The following MTCL1 variants were observed in gnomAD, a reference collection of about 807,000 sequenced individuals.
The protein encoded by MTCL1 is microtubule cross-linking factor 1.
In MTCL1, 79 loss-of-function variants were observed where a neutral mutation model predicts 141.4. That is an observed-to-expected ratio of 0.56 (90% confidence interval 0.47 to 0.67). The LOEUF is 0.67. Ranked by LOEUF, MTCL1 falls within the 30% of genes least tolerant of loss-of-function variation. The pLI, the probability that MTCL1 is intolerant of heterozygous loss-of-function variation, is 0.00. For missense variants in MTCL1, 2,177 were observed against 2,113.9 expected (o/e 1.03, Z -0.59); for synonymous variants, 914 against 875.8 (o/e 1.04, Z -0.77).
Position 8,759,623 on chromosome 18 carries a change from A to G in MTCL1, c.358-18210A>G, listed in dbSNP as rs182687914. Among the ~76,000 whole-genome samples, 191 of 152,352 alleles carry G rather than the reference A, an allele frequency of 1.3e-3. 5 individuals carry two copies. Among genetic ancestry groups the G allele is most frequent in the Admixed American group, 0.012 (191 of 15,300 alleles). On this transcript the variant is annotated intron_variant, in intron 4 of 16. Coordinates refer to ENST00000359865, the Ensembl canonical transcript of MTCL1. The stretch of plus-strand genomic sequence containing the variant: ...GGGAAGAAAACTTTTCAAAGAGCCA[A>G]AGGCCATAATGAGGCTATTACAAGG...
At chr18:8,781,438 A>G (rs2143439618) in intron 5 of MTCL1, among the ~76,000 whole-genome samples, 1 of 152,232 alleles carries the variant, frequency 6.6e-6, no homozygotes, top group African/African-American at 2.4e-5. Context: ...AAACCCAACC[A>G]AATCCTTCAT....
At chr18:8,755,679 A>C (rs1441029831) in intron 4 of MTCL1, among the ~76,000 whole-genome samples, 1 of 152,234 alleles carries the variant, frequency 6.6e-6, no homozygotes, top group Non-Finnish European at 1.5e-5. Flanking sequence ...CACCTTTAAA[A>C]GACAGACTAT....
rs745747710 is a variant in MTCL1 at position 8,830,912 on chromosome 18, G to A, written c.*19-695G>A. 1.3e-5 allele frequency: 13 copies of A among 985,344 alleles called. No homozygotes were observed. Among genetic ancestry groups the A allele is most frequent in the East Asian group, 1.1e-4 (1 of 8,828 alleles). 61.0% of individuals were successfully genotyped at this position (985,344 alleles called of 1,614,324 possible). A position where few individuals can be genotyped will look rare whatever the true frequency, so the allele number is the denominator to read the frequency against. On this transcript the variant is annotated intron_variant, in intron 16 of 16. Transcript: ENST00000359865. The surrounding 1 kb of genome is among the most constrained non-coding windows in gnomAD (Gnocchi z 6.4). ...TGAGTGTGTCTTGCATCACCTGCTCGCAGAACATTAGGATGCCTGAAACAC... is the reference window on the plus strand; with the variant it reads ...TGAGTGTGTCTTGCATCACCTGCTCACAGAACATTAGGATGCCTGAAACAC...
At chr18:8,748,029 C>G (rs189229495) in intron 4 of MTCL1, among the ~76,000 whole-genome samples, 1 of 152,262 alleles carries the variant, frequency 6.6e-6, no homozygotes, top group East Asian at 1.9e-4. Context: ...GTTGGTGCCC[C>G]TGGTCTTCCG....
At chr18:8,821,376 G>A (rs2076841022) in intron 13 of MTCL1, 91 bp from the exon 13 acceptor site, 1 of 792,052 alleles carries the variant, frequency 1.3e-6, no homozygotes, top group African/African-American at 1.7e-5. Flanking sequence ...GGTTTCCTGG[G>A]GGTGCAGAGC....
intron 12 of MTCL1, among the ~76,000 whole-genome samples, chr18:8,815,141 T>G (rs1022247613): frequency 5.3e-5 from 8 of 152,224 alleles, no homozygotes; most frequent in African/African-American, 1.7e-4. Context: ...GAAAGGATTA[T>G]AAATCATGCT....
intron 10 of MTCL1, 44 bp from the exon 10 acceptor site, chr18:8,806,845 AAAAT>A: frequency 6.3e-7 from 1 of 1,593,460 alleles, no homozygotes; most frequent in Non-Finnish European, 8.6e-7. Flanking sequence ...TCTGACCTAA[AAAAT>A]ACGCTTAAAG....
upstream of MTCL1, among the ~76,000 whole-genome samples, chr18:8,713,606 C>T (rs1460889954): frequency 6.6e-6 from 1 of 152,196 alleles, no homozygotes; most frequent in African/African-American, 2.4e-5. Context: ...TGGCTGCTGC[C>T]AGCTTACATG....
chr18:8,830,409 C>T lies in MTCL1; in HGVS notation c.*19-1198C>T. 1 of 985,580 alleles carries T rather than the reference C, an allele frequency of 1.0e-6. No individual in the cohort carries two copies. Among genetic ancestry groups the T allele is most frequent in the South Asian group, 4.7e-5 (1 of 21,284 alleles). 61.1% of individuals were successfully genotyped at this position (985,580 alleles called of 1,614,324 possible). A position where few individuals can be genotyped will look rare whatever the true frequency, so the allele number is the denominator to read the frequency against. Reference sequence around the variant, plus strand: ...GAGGGAGGCAGGGAAACCGCTCGCCCCATTGCTCTTCTGGAAGCCTGTGGC... The same window carrying T: ...GAGGGAGGCAGGGAAACCGCTCGCCTCATTGCTCTTCTGGAAGCCTGTGGC... On this transcript the variant is annotated intron_variant, in intron 16 of 16. Coordinates refer to ENST00000359865, the Ensembl canonical transcript of MTCL1. The surrounding 1 kb of genome is among the most constrained non-coding windows in gnomAD (Gnocchi z 6.4).
chr18:8,793,061 G>A lies in MTCL1; in HGVS notation c.1951G>A (p.Val651Met), dbSNP rs752506840. 1.3e-5 allele frequency: 21 copies of A among 1,614,168 alleles called. No homozygotes were observed. In the Admixed American group the frequency reaches 1.5e-4, roughly 12 times the overall value. ...CATAGAGGAGCTACAGGGTCAGCTC[G>A]TGCAGGCGGCCAGACTGCATCAAGA... The change falls in exon 8 of 17, where the codon GTG becomes ATG. Residue 651 changes from valine (V) to methionine (M), a missense_variant. By Grantham distance (21) the Val-to-Met change is conservative (BLOSUM62 1). Coordinates refer to ENST00000359865, the Ensembl canonical transcript of MTCL1.
intron 11 of MTCL1, 57 bp from the exon 11 acceptor site, chr18:8,812,922 A>G: frequency 6.4e-7 from 1 of 1,561,992 alleles, no homozygotes; most frequent in Non-Finnish European, 8.7e-7. Context: ...CTGAGACTTC[A>G]TCCTTGAATG....
chr18:8,799,132 G>T (rs1016332745), intron 10 of MTCL1, among the ~76,000 whole-genome samples: 2 of 152,212 alleles, frequency 1.3e-5, no homozygotes, highest in African/African-American at 2.4e-5. Context: ...TATGGGCGCG[G>T]CTCTAGCCTC....
chr18:8,768,859 T>G (rs1419300984), intron 4 of MTCL1, among the ~76,000 whole-genome samples: 1 of 150,692 alleles, frequency 6.6e-6, no homozygotes, highest in African/African-American at 2.5e-5. Context: ...TGGCGCGATC[T>G]TGGCTCACTG....
intron 4 of MTCL1, among the ~76,000 whole-genome samples, chr18:8,769,270 C>A (rs2096474428): frequency 6.6e-6 from 1 of 152,242 alleles, no homozygotes; most frequent in Admixed American, 6.5e-5. Context: ...TGCTAAGTGC[C>A]AGCATGGATG....
chr18:8,785,985 A>G, exon 7 of MTCL1: 2 of 1,604,574 alleles, frequency 1.2e-6, no homozygotes, highest in Non-Finnish European at 1.7e-6. Flanking sequence ...GCCCGAGGGG[A>G]CGAGCGGGAG....
At chr18:8,756,529 G>C (rs1457946013) in intron 4 of MTCL1, among the ~76,000 whole-genome samples, 1 of 142,626 alleles carries the variant, frequency 7.0e-6, no homozygotes, top group African/African-American at 3.1e-5. Context: ...GTATATATGT[G>C]TGTGTATATA....
intron 4 of MTCL1, among the ~76,000 whole-genome samples, chr18:8,722,544 C>T (rs2096180293): frequency 6.6e-6 from 1 of 152,060 alleles, no homozygotes; most frequent in South Asian, 2.1e-4. Context: ...GTACTGTATT[C>T]TTATAATAAA....
In MTCL1 at chr18:8,831,601, C is replaced by T. The variant is rs1360782452; in HGVS notation, c.*19-6C>T. On this transcript the variant is annotated splice_polypyrimidine_tract_variant and splice_region_variant and intron_variant, in intron 16 of 16. Coordinates refer to ENST00000359865, the Ensembl canonical transcript of MTCL1. ...GTAACCCTGTCTCCCTTTCTCGGCT[C>T]TGAAGGAACTACCTTGTTCTGCACT... 1.3e-6 allele frequency: 2 copies of T among 1,550,188 alleles called. No individual in the cohort carries two copies. The highest frequency in any genetic ancestry group is 1.4e-5 in the African/African-American group (1 of 73,136).
At chr18:8,812,688 C>T (rs1301573978) in intron 11 of MTCL1, among the ~76,000 whole-genome samples, 2 of 152,178 alleles carry the variant, frequency 1.3e-5, no homozygotes, top group African/African-American at 4.8e-5. Flanking sequence ...GGTACCTGCC[C>T]ACAAGCAGTT....
Sources: gnomAD v4.1 joint callset for allele counts (sites outside exome capture counted in the v4.1 genomes callset) on GRCh38, gnomAD v4.1.1 for gene constraint, Gnocchi (gnomAD v3.1) non-coding constraint, MANE v1.5 for transcripts, NCBI Gene and HGNC (gene_info 2026-07-23, HGNC 2026-07-21) for gene names.